The following RNF213 variants were observed in gnomAD, a reference collection of about 807,000 sequenced individuals.
RNF213 encodes the protein E3 ubiquitin-protein ligase RNF213.
In RNF213, 341 loss-of-function variants were observed where a neutral mutation model predicts 514.4. The ratio of observed to expected loss-of-function variants is 0.66; its 90% CI spans 0.61 to 0.73. RNF213 has a LOEUF of 0.73. RNF213 is among the 30% of genes least tolerant of loss of function. RNF213 has a pLI of 0.00. For missense variants in RNF213, 5,767 were observed against 6,615.6 expected (o/e 0.87, Z 4.45); for synonymous variants, 2,655 against 2,658.2 (o/e 1.00, Z 0.04).
At position 80,348,103 on chromosome 17, in the gene RNF213, G is replaced by C; in HGVS notation, c.9768G>C (p.Ser3256=). 1.9e-6 allele frequency: 3 copies of C among 1,614,132 alleles called. No individual in the cohort carries two copies. In the South Asian group the frequency reaches 3.3e-5, roughly 18 times the overall value. The change falls in exon 29 of 68, where the codon TCG becomes TCC. Residue 3256 remains serine, a synonymous_variant. Transcript: ENST00000582970. ...LHQKVSEEAK[S]ILLNCATPDA... ...AGAAGGTGTCTGAGGAGGCCAAATC[G>C]ATCCTGCTGAACTGCGCTACGCCCG...
At chr17:80,362,229 A>T (rs2079083181) in intron 39 of RNF213, among the ~76,000 whole-genome samples, 2 of 152,252 alleles carry the variant, frequency 1.3e-5, no homozygotes, top group South Asian at 4.1e-4. Context: ...AGAATAAACA[A>T]GTGAAATTCA....
Position 80,389,201 on chromosome 17 carries a change from C to T in RNF213, c.15029C>T (p.Ala5010Val). 1 of 1,614,136 alleles carries T rather than the reference C, an allele frequency of 6.2e-7. No individual in the cohort carries two copies. The highest frequency in any genetic ancestry group is 8.5e-7 in the Non-Finnish European group (1 of 1,179,984). ...QDSLPSSVIS[A>V]ISGQLQSYSD... ...TCCCTCCCCAGCTCGGTCATTAGTG[C>T]CATCAGTGGACAGCTGCAGTCCTAC... The change falls in exon 65 of 68, where the codon GCC (alanine) becomes GTC (valine). Residue 5010 changes from alanine (A) to valine (V), a missense_variant. This residue lies in a region of RNF213 where 1,245 missense variants were observed against 1,339.0 expected (regional missense o/e 0.93). Coordinates refer to ENST00000582970, the MANE Select transcript of RNF213 (RefSeq NM_001256071.3).
At chr17:80,266,971 C>G (rs1389918025) in intron 2 of RNF213, among the ~76,000 whole-genome samples, 1 of 152,116 alleles carries the variant, frequency 6.6e-6, no homozygotes, top group Non-Finnish European at 1.5e-5. Flanking sequence ...GCCCCCAGCA[C>G]TTTGGGAGGC....
At chr17:80,308,884 C>A (rs1010446056) in intron 13 of RNF213, 134 bp from the exon 14 acceptor site, 2 of 1,061,090 alleles carry the variant, frequency 1.9e-6, no homozygotes, top group Non-Finnish European at 2.9e-6. Flanking sequence ...ATTTTCCAGA[C>A]GTTAACCTAG....
chr17:80,325,448 G>C (rs1378253954), intron 18 of RNF213, among the ~76,000 whole-genome samples: 1 of 152,286 alleles, frequency 6.6e-6, no homozygotes, highest in East Asian at 1.9e-4. Flanking sequence ...TGGGTCGCAA[G>C]GGAAGTGCCC....
chr17:80,281,397 TTACA>T (rs2044269884), intron 3 of RNF213, among the ~76,000 whole-genome samples: 1 of 30,848 alleles, frequency 3.2e-5, no homozygotes, highest in African/African-American at 1.1e-4. Flanking sequence ...CTCACACCAC[TTACA>T]CACCCCCAAG....
intron 36 of RNF213, chr17:80,354,858 C>T: frequency 2.1e-6 from 1 of 471,704 alleles, no homozygotes; most frequent in Non-Finnish European, 3.9e-6. Context: ...AGAACATTTA[C>T]CGACATTCAT....
chr17:80,315,683 TGGTGAA>T (rs2045892664), intron 15 of RNF213: 1 of 149,406 alleles, frequency 6.7e-6, no homozygotes, highest in African/African-American at 2.7e-5. Context: ...GTGATGGTGG[TGGTGAA>T]GGTGATGGTA....
chr17:80,343,630 A>G lies in RNF213; in HGVS notation c.6184-227A>G, dbSNP rs928727689. Among the ~76,000 whole-genome samples the G allele has an allele frequency of 6.6e-6, 1 of 152,186 alleles. No homozygotes were observed. The highest frequency in any genetic ancestry group is 1.9e-4 in the East Asian group (1 of 5,202). ...ATGGCTGTTCTGAATCCTGGAGCCA[A>G]TTGTAAAACGGTGTATTTATGTGTC... On this transcript the variant is annotated intron_variant, in intron 27 of 67. Transcript: ENST00000582970. This position sits in a 1 kb window ranked among gnomAD's most constrained non-coding sequence, Gnocchi z 4.3.
chr17:80,346,059 T>G lies in RNF213; in HGVS notation c.7724T>G (p.Leu2575Arg). ...CGGGTCCATGCTCTGCCCCCGAGCC[T>G]GATTCCTCTGGTGTGGGACTTTGGA... ...VYRVHALPPS[L>R]IPLVWDFGQL... Residue 2575 changes from leucine to arginine, a missense_variant, in exon 29 of 68, where the codon CTG becomes CGG. Leu to Arg is a moderately radical substitution (Grantham distance 102, BLOSUM62 -2). Transcript: ENST00000582970. The surrounding 1 kb of genome is among the most constrained non-coding windows in gnomAD (Gnocchi z 8.1). The G allele has an allele frequency of 6.2e-7, 1 of 1,614,186 alleles. No individual in the cohort carries two copies. Among genetic ancestry groups the G allele is most frequent in the South Asian group, 1.1e-5 (1 of 91,076 alleles).
chr17:80,271,564 C>T (rs1467468582), intron 2 of RNF213, among the ~76,000 whole-genome samples: 1 of 152,208 alleles, frequency 6.6e-6, no homozygotes, highest in African/African-American at 2.4e-5. Context: ...GGCCTGGCAC[C>T]ATCTGGAGTG....
At chr17:80,367,900 G>T in intron 43 of RNF213, 52 bp downstream of exon 43, 1 of 1,613,884 alleles carries the variant, frequency 6.2e-7, no homozygotes, top group Non-Finnish European at 8.5e-7. Context: ...ACCTCTCGTG[G>T]TTTTCACTTC....
At chr17:80,370,842 G>C (rs951946594) in intron 46 of RNF213, among the ~76,000 whole-genome samples, 1 of 152,162 alleles carries the variant, frequency 6.6e-6, no homozygotes, top group African/African-American at 2.4e-5. Context: ...AGCAAAGTGA[G>C]CCAGCCTCAG....
At chr17:80,374,401 G>A (rs1018142133) in intron 49 of RNF213, 57 bp from the exon 50 acceptor site, 14 of 1,610,724 alleles carry the variant, frequency 8.7e-6, no homozygotes, top group South Asian at 3.3e-5. Flanking sequence ...CCGTTCAGAC[G>A]GTTCTTTGCA....
chr17:80,333,924 C>T (rs1391693409), intron 21 of RNF213, 181 bp from the exon 22 acceptor site: 2 of 619,774 alleles, frequency 3.2e-6, no homozygotes, highest in East Asian at 2.8e-5. Context: ...CAGGGAGAAA[C>T]AGCCATGGGG....
intron 10 of RNF213, 143 bp downstream of exon 10, chr17:80,295,956 ATG>A: frequency 8.3e-6 from 7 of 847,446 alleles, no homozygotes; most frequent in Non-Finnish European, 7.4e-6. Flanking sequence ...CACTGTGGTC[ATG>A]TCAGTAGTTT....
chr17:80,381,148 G>A, intron 56 of RNF213, 161 bp downstream of exon 56: 1 of 798,286 alleles, frequency 1.3e-6, no homozygotes, highest in South Asian at 1.4e-5. Flanking sequence ...GTTTCCCCCT[G>A]TGGCGTATGA....
intron 3 of RNF213, among the ~76,000 whole-genome samples, chr17:80,276,024 C>CA (rs1239046817): frequency 6.6e-6 from 1 of 150,792 alleles, no homozygotes; most frequent in African/African-American, 2.4e-5. Context: ...AAATCTCTAT[C>CA]AAACTACTAA....
intron 15 of RNF213, among the ~76,000 whole-genome samples, chr17:80,313,694 GAA>G: frequency 6.7e-6 from 1 of 149,282 alleles, no homozygotes; most frequent in East Asian, 2.0e-4. Flanking sequence ...TGGTGGTGGT[GAA>G]GGGGATGGTG....
Sources: allele counts gnomAD v4.1 joint callset (sites outside exome capture counted in the v4.1 genomes callset), GRCh38; gene constraint gnomAD v4.1.1; regional missense constraint gnomAD v4.1.1; non-coding constraint Gnocchi (gnomAD v3.1); transcripts MANE v1.5; gene names NCBI Gene and HGNC (gene_info 2026-07-23, HGNC 2026-07-21).